Variants in PCDHA7 observed in about 807,000 individuals in gnomAD.
PCDHA7 encodes protocadherin alpha 7.
Under a neutral mutation model 57.2 loss-of-function variants are expected in PCDHA7, and 37 were observed. That is an observed-to-expected ratio of 0.65 (90% CI 0.50 to 0.85). The LOEUF is 0.85. PCDHA7 is among the 40% of genes least tolerant of loss of function. The pLI is 0.00. For synonymous variants in PCDHA7, 553 were observed against 558.8 expected (o/e 0.99, Z 0.15); for missense variants, 1,188 against 1,241.8 (o/e 0.96, Z 0.65).
At chr5:140,895,730 A>G (rs781978402) in intron 1 of PCDHA7, among the ~76,000 whole-genome samples, 4 of 152,280 alleles carry the variant, frequency 2.6e-5, no homozygotes, top group Middle Eastern at 3.4e-3. Flanking sequence ...CCTCCATTCA[A>G]TGGGCTGCAA....
rs1266010631 is a variant in PCDHA7, at chr5:140,857,226, C to T, written c.2355+20488C>T. 4.4e-6 allele frequency: 7 copies of T among 1,598,494 alleles called. 1 individual carries two copies. Among genetic ancestry groups the T allele is most frequent in the Non-Finnish European group, 5.1e-6 (6 of 1,167,908 alleles). On this transcript the variant is annotated intron_variant, in intron 1 of 3. Coordinates refer to ENST00000525929, the MANE Select transcript of PCDHA7 (RefSeq NM_018910.3). ...ACCTGCTCTCTGACGCCTCACGTTC[C>T]GTTCAAGCTGGTGTCCACCTACAAG...
intron 1 of PCDHA7, among the ~76,000 whole-genome samples, chr5:140,943,257 CAAAAAAAAAAA>C (rs1238620023): frequency 1.3e-5 from 1 of 77,574 alleles, no homozygotes. Flanking sequence ...GACTCTGTCT[CAAAAAAAAAAA>C]AAAAAAAAAG....
Position 141,009,900 on chromosome 5 carries a change from A to G in PCDHA7, c.2777A>G (p.Glu926Gly). The G allele has an allele frequency of 6.2e-7, 1 of 1,613,166 alleles. No individual in the cohort carries two copies. The highest frequency in any genetic ancestry group is 8.5e-7 in the Non-Finnish European group (1 of 1,179,840). Residue 926 changes from glutamate (E) to glycine (G), a missense_variant, in exon 4 of 4, where the codon GAG becomes GGG. Physicochemically the swap from Glu to Gly is moderately conservative, Grantham distance 98. Around this residue, in one of 3 missense-constraint regions of PCDHA7, gnomAD observed 892 missense variants for 788.5 expected, o/e 1.13. Coordinates refer to ENST00000525929, the MANE Select transcript of PCDHA7 (RefSeq NM_018910.3). Reference sequence around the variant, plus strand: ...GGTAACAAGACCCAGGAGAAAAAAGAGAAAGGGAACAGCACGACTGACAAC... The same window carrying G: ...GGTAACAAGACCCAGGAGAAAAAAGGGAAAGGGAACAGCACGACTGACAAC... ...KKGNKTQEKK[E>G]KGNSTTDNSD...
At chr5:140,971,181 C>T (rs1364149664) in intron 1 of PCDHA7, among the ~76,000 whole-genome samples, 1 of 152,104 alleles carries the variant, frequency 6.6e-6, no homozygotes, top group Non-Finnish European at 1.5e-5. Context: ...AGCTGTAAGC[C>T]GGAAGCTCAG....
rs189901944 is a variant in PCDHA7, at chr5:140,916,206, G to A, written c.2356-62743G>A. 4.6e-3 allele frequency among the ~76,000 whole-genome samples: 705 copies of A among 152,282 alleles called. 3 individuals carry two copies. The highest frequency in any genetic ancestry group is 0.016 in the African/African-American group (682 of 41,562). ...AGGAAGTGGGCACCCCTCTGCCCTG[G>A]GGAAGATCCAAATATGCTTTCCAGG... On this transcript the variant is annotated intron_variant, in intron 1 of 3. Transcript: ENST00000525929.
chr5:140,938,973 G>A (rs112209995), intron 1 of PCDHA7, among the ~76,000 whole-genome samples: 3 of 152,224 alleles, frequency 2.0e-5, no homozygotes, highest in East Asian at 1.9e-4. Context: ...TTGGCATCAA[G>A]GCTATCCTGG....
Position 141,010,422 on chromosome 5 carries a change from G to A in PCDHA7, c.*485G>A. The A allele has an allele frequency of 8.7e-7, 1 of 1,145,442 alleles. No homozygotes were observed. Among genetic ancestry groups the A allele is most frequent in the Non-Finnish European group, 1.2e-6 (1 of 836,490 alleles). The allele number at this position is 1,145,442 out of a possible 1,614,324, so 71.0% of individuals were successfully genotyped here. A position where few individuals can be genotyped will look rare whatever the true frequency, so the allele number is the denominator to read the frequency against. On this transcript the variant is annotated 3_prime_UTR_variant, in exon 4 of 4. Transcript: ENST00000525929. ...AGCTTAGACTAATTGGTACAAGGAA[G>A]GCAAGAAAACAAAGACAAATAAACA... is the stretch of plus-strand genomic sequence containing the variant.
intron 3 of PCDHA7, among the ~76,000 whole-genome samples, chr5:140,987,354 G>A (rs1180342992): frequency 2.6e-5 from 4 of 152,166 alleles, no homozygotes; most frequent in Admixed American, 2.6e-4. Context: ...TATTCCTGAG[G>A]TTGTCTTATA....
In PCDHA7 at chr5:140,862,844, C is replaced by T. The variant is rs782433146; in HGVS notation, c.2355+26106C>T. 8 of 571,262 alleles carry T rather than the reference C, an allele frequency of 1.4e-5. No homozygotes were observed. In the East Asian group the frequency reaches 3.8e-4, roughly 27 times the overall value. The allele number at this position is 571,262 out of a possible 1,614,324, so 35.4% of individuals were successfully genotyped here. ...AGAGCGCGCGACGCGGGCATGCCGC[C>T]TCTGAGCAGCAATGTGACGCTGCCA... is the stretch of plus-strand genomic sequence containing the variant. On this transcript the variant is annotated intron_variant, in intron 1 of 3. Coordinates refer to ENST00000525929, the MANE Select transcript of PCDHA7 (RefSeq NM_018910.3).
intron 1 of PCDHA7, among the ~76,000 whole-genome samples, chr5:140,977,515 C>T (rs2096764078): frequency 6.6e-6 from 1 of 152,158 alleles, no homozygotes; most frequent in African/African-American, 2.4e-5. Context: ...ATTTTGTGAA[C>T]TTGAAAACAA....
In PCDHA7 at chr5:140,870,516, C is replaced by A. The variant is rs568100247; in HGVS notation, c.2355+33778C>A. The A allele has an allele frequency of 2.2e-4, 361 of 1,614,240 alleles. 3 individuals carry two copies. In the South Asian group the frequency reaches 3.8e-3, roughly 17 times the overall value. ...TGAAGGAGAACAACCCACCAGGCTG[C>A]CACATCTTCACAGTGTCGGCGCGGG... is the stretch of plus-strand genomic sequence containing the variant. On this transcript the variant is annotated intron_variant, in intron 1 of 3. Coordinates refer to ENST00000525929, the MANE Select transcript of PCDHA7 (RefSeq NM_018910.3).
chr5:140,861,728 A>G (rs2047042358), intron 1 of PCDHA7: 1 of 191,386 alleles, frequency 5.2e-6, no homozygotes, highest in Non-Finnish European at 1.1e-5. Context: ...TGCTCTGATG[A>G]CTTACATACT....
intron 1 of PCDHA7, chr5:140,861,426 T>A (rs1451953787): frequency 2.1e-6 from 1 of 485,412 alleles, no homozygotes; most frequent in Non-Finnish European, 4.2e-6. Context: ...CCTGTTTCAG[T>A]TGGATTCCAA....
chr5:140,890,096 C>T (rs967857035), intron 1 of PCDHA7, among the ~76,000 whole-genome samples: 1 of 152,124 alleles, frequency 6.6e-6, no homozygotes, highest in Non-Finnish European at 1.5e-5. Flanking sequence ...AAATTTATTC[C>T]CAACTCTGGA....
At chr5:140,928,817 G>A (rs868908592) in intron 1 of PCDHA7, 1 of 1,614,118 alleles carries the variant, frequency 6.2e-7, no homozygotes, top group Non-Finnish European at 8.5e-7. Flanking sequence ...CGGGACCATG[G>A]AGACCCACCA....
chr5:140,999,019 A>C (rs782524233), intron 3 of PCDHA7, among the ~76,000 whole-genome samples: 1 of 152,208 alleles, frequency 6.6e-6, no homozygotes, highest in Non-Finnish European at 1.5e-5. Context: ...TGAACCCAAG[A>C]CTTTTGATAC....
intron 1 of PCDHA7, chr5:140,851,252 G>T: frequency 9.2e-7 from 1 of 1,089,164 alleles, no homozygotes; most frequent in Non-Finnish European, 1.2e-6. Flanking sequence ...ATGATGCATA[G>T]TATTTTAGTC....
At chr5:141,003,173 G>A (rs782452600) in intron 3 of PCDHA7, among the ~76,000 whole-genome samples, 6 of 152,174 alleles carry the variant, frequency 3.9e-5, no homozygotes, top group Non-Finnish European at 5.9e-5. Context: ...AGTCCCTGAG[G>A]CTCAACTCCA....
chr5:140,850,641 C>G lies in PCDHA7; in HGVS notation c.2355+13903C>G, dbSNP rs2041729917. 1.9e-6 allele frequency: 3 copies of G among 1,598,540 alleles called. No homozygotes were observed. Among genetic ancestry groups the G allele is most frequent in the African/African-American group, 1.3e-5 (1 of 74,394 alleles). On this transcript the variant is annotated intron_variant, in intron 1 of 3. Coordinates refer to ENST00000525929, the MANE Select transcript of PCDHA7 (RefSeq NM_018910.3). ...GTCTAGCCTGTTGGTTCTCACGCTG[C>G]TGCTGTACACTGTGCTGCGGTGCTC...
Sources: gnomAD v4.1 joint callset for allele counts (sites outside exome capture counted in the v4.1 genomes callset) on GRCh38, gnomAD v4.1.1 for gene constraint, gnomAD v4.1.1 regional missense constraint, MANE v1.5 for transcripts, NCBI Gene and HGNC (gene_info 2026-07-23, HGNC 2026-07-21) for gene names.